Variants in MUC7 observed in about 807,000 individuals in gnomAD.
MUC7 encodes the protein mucin 7, secreted.
MUC7 carries 2 observed loss-of-function variants against 2.5 expected under a neutral mutation model. The observed-to-expected ratio is 0.81, with a 90% confidence interval of 0.33 to 2.55. The LOEUF is 2.55. Ranked by LOEUF, MUC7 falls within the 30% of genes most tolerant of loss-of-function variation. MUC7 has a pLI of 0.11. For synonymous variants in MUC7, 133 were observed against 173.4 expected (o/e 0.77, Z 1.83); for missense variants, 408 against 455.6 (o/e 0.90, Z 0.95).
chr4:70,440,905 T>C (rs78400665), intron 1 of MUC7, among the ~76,000 whole-genome samples: 3,584 of 152,180 alleles, frequency 0.024, 129 homozygotes, highest in African/African-American at 0.08. Flanking sequence ...ACATAAGGCA[T>C]GCTAAACATT....
At chr4:70,438,962 G>A (rs771231170) in intron 1 of MUC7, among the ~76,000 whole-genome samples, 1 of 152,128 alleles carries the variant, frequency 6.6e-6, no homozygotes, top group Non-Finnish European at 1.5e-5. Flanking sequence ...CAAAGAACTG[G>A]AAATACAGCA....
chr4:70,450,683 G>T (rs1734257858), intron 1 of MUC7, among the ~76,000 whole-genome samples: 1 of 152,124 alleles, frequency 6.6e-6, no homozygotes. Context: ...GCAGGACTGG[G>T]TTCTTTCCTT....
chr4:70,445,832 A>T (rs550731227), intron 1 of MUC7, among the ~76,000 whole-genome samples: 1 of 152,336 alleles, frequency 6.6e-6, no homozygotes, highest in African/African-American at 2.4e-5. Flanking sequence ...CTGAGTCACA[A>T]CACAGTTTTT....
intron 1 of MUC7, among the ~76,000 whole-genome samples, chr4:70,439,866 C>A (rs935545769): frequency 6.6e-6 from 1 of 151,890 alleles, no homozygotes; most frequent in Non-Finnish European, 1.5e-5. Context: ...AGTTAAATTT[C>A]ACTTATTTTA....
intron 1 of MUC7, among the ~76,000 whole-genome samples, chr4:70,432,803 C>CATTGCTTTGGTGTAGA (rs1375262674): frequency 6.6e-6 from 1 of 152,102 alleles, no homozygotes; most frequent in Non-Finnish European, 1.5e-5. Flanking sequence ...AAGTCCTTGC[C>CATTGCTTTGGTGTAGA]CATGTCTATG....
chr4:70,430,508 T>C (rs1733632358), exon 1 of MUC7: 1 of 152,116 alleles, frequency 6.6e-6, no homozygotes, highest in Admixed American at 6.6e-5. Context: ...TTACAGTATT[T>C]CCTATTCCTA....
chr4:70,462,610 C>T (rs1270038732), intron 1 of MUC7, among the ~76,000 whole-genome samples: 1 of 152,144 alleles, frequency 6.6e-6, no homozygotes, highest in African/African-American at 2.4e-5. Flanking sequence ...AAAGAAGATG[C>T]ATATAATTAT....
chr4:70,432,402 G>A (rs767935798), intron 1 of MUC7, among the ~76,000 whole-genome samples: 2 of 152,172 alleles, frequency 1.3e-5, no homozygotes, highest in Non-Finnish European at 1.5e-5. Flanking sequence ...ATCCTCTCCA[G>A]CACCTGTTGT....
chr4:70,454,117 G>A (rs927944034), intron 1 of MUC7, among the ~76,000 whole-genome samples: 1 of 152,068 alleles, frequency 6.6e-6, no homozygotes, highest in African/African-American at 2.4e-5. Context: ...GCTAGGGGAA[G>A]GGTGGCACAG....
intron 1 of MUC7, among the ~76,000 whole-genome samples, chr4:70,445,111 T>A (rs1293848832): frequency 6.6e-6 from 1 of 152,108 alleles, no homozygotes; most frequent in African/African-American, 2.4e-5. Context: ...CGAACTTTCA[T>A]TCCCTCAACT....
chr4:70,432,019 T>C (rs1225888039), intron 1 of MUC7, among the ~76,000 whole-genome samples: 1 of 152,196 alleles, frequency 6.6e-6, no homozygotes, highest in Non-Finnish European at 1.5e-5. Flanking sequence ...GTCCTCATGA[T>C]AGTTTGCTGA....
intron 2 of MUC7, among the ~76,000 whole-genome samples, chr4:70,478,349 T>G (rs1031505679): frequency 3.3e-5 from 5 of 152,174 alleles, no homozygotes; most frequent in African/African-American, 9.7e-5. Context: ...CCAGGCATAG[T>G]TTTAGGTATT....
At chr4:70,453,767 C>A (rs1734349826) in intron 1 of MUC7, among the ~76,000 whole-genome samples, 1 of 152,160 alleles carries the variant, frequency 6.6e-6, no homozygotes, top group African/African-American at 2.4e-5. Context: ...CAGAGTCTCA[C>A]CCACAGCAGA....
At chr4:70,462,347 A>T (rs986655953) in intron 1 of MUC7, among the ~76,000 whole-genome samples, 1 of 152,224 alleles carries the variant, frequency 6.6e-6, no homozygotes, top group Non-Finnish European at 1.5e-5. Flanking sequence ...TAATTAACAT[A>T]CTTTTTAAAA....
At chr4:70,470,273 G>C (rs1385981858), upstream of MUC7, among the ~76,000 whole-genome samples, 1 of 152,186 alleles carries the variant, frequency 6.6e-6, no homozygotes, top group African/African-American at 2.4e-5. Flanking sequence ...GGGGGGCTGG[G>C]GGAGGGATAG....
At position 70,456,282 on chromosome 4, in the gene MUC7, C is replaced by A. The variant is rs181935260; in HGVS notation, c.-92-15933C>A. ...TTAATTTAATGTAATACCTAAATGTCTTCAGATATTTAAATAGCCAATGAG... is the reference window on the plus strand; with the variant it reads ...TTAATTTAATGTAATACCTAAATGTATTCAGATATTTAAATAGCCAATGAG... On this transcript the variant is annotated intron_variant, in intron 1 of 3. Coordinates refer to the MUC7 transcript ENST00000413702. 2.9e-3 allele frequency among the ~76,000 whole-genome samples: 449 copies of A among 152,216 alleles called. 2 individuals carry two copies. Among genetic ancestry groups the A allele is most frequent in the Non-Finnish European group, 4.0e-3 (272 of 68,026 alleles).
chr4:70,459,168 A>G (rs1370019940), intron 1 of MUC7, among the ~76,000 whole-genome samples: 1 of 152,220 alleles, frequency 6.6e-6, no homozygotes, highest in Non-Finnish European at 1.5e-5. Context: ...TTTACATTTA[A>G]TACTAATAGT....
At chr4:70,443,416 C>T (rs1380192734) in intron 1 of MUC7, among the ~76,000 whole-genome samples, 1 of 151,768 alleles carries the variant, frequency 6.6e-6, no homozygotes, top group African/African-American at 2.4e-5. Flanking sequence ...AACCCCCTAA[C>T]AAAAGATCTC....
At chr4:70,438,059 G>A (rs1003063151) in intron 1 of MUC7, among the ~76,000 whole-genome samples, 1 of 152,134 alleles carries the variant, frequency 6.6e-6, no homozygotes, top group Non-Finnish European at 1.5e-5. Context: ...AAATCATGTG[G>A]AATGTAGAAC....
Sources: gnomAD v4.1 joint callset for allele counts (sites outside exome capture counted in the v4.1 genomes callset) on GRCh38, gnomAD v4.1.1 for gene constraint, MANE v1.5 for transcripts, NCBI Gene and HGNC (gene_info 2026-07-23, HGNC 2026-07-21) for gene names.